The following PRKAR2B variants were observed in gnomAD, a reference collection of about 807,000 sequenced individuals.
PRKAR2B encodes the protein cAMP-dependent protein kinase type II-beta regulatory subunit.
PRKAR2B carries 14 observed loss-of-function variants against 49.9 expected under a neutral mutation model. That is an observed-to-expected ratio of 0.28 (90% confidence interval 0.19 to 0.44). PRKAR2B has a LOEUF of 0.44. Among genes scored for constraint, PRKAR2B ranks in the 20% least tolerant of loss-of-function variants. The probability of loss-of-function intolerance (pLI) is 1.00; values close to 1 mark genes in which losing one functional copy is unlikely to be tolerated. For synonymous variants in PRKAR2B, 196 were observed against 197.7 expected (o/e 0.99, Z 0.07); for missense variants, 393 against 537.9 (o/e 0.73, Z 2.67).
intron 1 of PRKAR2B, among the ~76,000 whole-genome samples, chr7:107,056,445 T>C (rs1484910600): frequency 6.6e-6 from 1 of 152,248 alleles, no homozygotes; most frequent in Non-Finnish European, 1.5e-5. Context: ...TTCCTATCCA[T>C]GAGCATGGAA....
intron 2 of PRKAR2B, among the ~76,000 whole-genome samples, chr7:107,081,174 C>T (rs916809747): frequency 6.6e-5 from 10 of 152,188 alleles, no homozygotes; most frequent in Non-Finnish European, 1.0e-4. Flanking sequence ...TTACAACTAA[C>T]TCCCCTACCC....
At chr7:107,145,896 C>T (rs1050261160) in intron 5 of PRKAR2B, among the ~76,000 whole-genome samples, 5 of 151,848 alleles carry the variant, frequency 3.3e-5, no homozygotes, top group African/African-American at 9.7e-5. Context: ...CCCGCCATCA[C>T]ACCCGGCTAA....
At chr7:107,128,005 C>T (rs948469835) in intron 3 of PRKAR2B, among the ~76,000 whole-genome samples, 6 of 152,174 alleles carry the variant, frequency 3.9e-5, no homozygotes, top group Admixed American at 1.3e-4. Context: ...CAACCTCCCC[C>T]GAACAAGGTG....
At chr7:107,138,017 T>C (rs1025737622) in intron 4 of PRKAR2B, among the ~76,000 whole-genome samples, 1 of 152,134 alleles carries the variant, frequency 6.6e-6, no homozygotes, top group Non-Finnish European at 1.5e-5. Flanking sequence ...AAATTCATCC[T>C]GTATTGTTTA....
intron 2 of PRKAR2B, among the ~76,000 whole-genome samples, chr7:107,112,209 A>G (rs958664519): frequency 1.3e-5 from 2 of 150,546 alleles, no homozygotes; most frequent in South Asian, 4.2e-4. Context: ...AAGAACCAAA[A>G]ACCAAACTAG....
chr7:107,047,711 A>G (rs1206957831), intron 1 of PRKAR2B, among the ~76,000 whole-genome samples: 1 of 152,222 alleles, frequency 6.6e-6, no homozygotes, highest in African/African-American at 2.4e-5. Context: ...GTCTTAATTT[A>G]CTATGACACA....
intron 2 of PRKAR2B, among the ~76,000 whole-genome samples, chr7:107,099,589 G>A (rs1473806036): frequency 6.6e-6 from 1 of 152,016 alleles, no homozygotes; most frequent in Non-Finnish European, 1.5e-5. Context: ...TGCTCACCCT[G>A]GGAGCTGTAG....
At chr7:107,143,346 C>A (rs1795823539) in intron 5 of PRKAR2B, among the ~76,000 whole-genome samples, 1 of 152,206 alleles carries the variant, frequency 6.6e-6, no homozygotes, top group Non-Finnish European at 1.5e-5. Context: ...TGATGGTTTA[C>A]AGTCAAAATG....
chr7:107,091,447 A>C (rs1475550457), intron 2 of PRKAR2B, among the ~76,000 whole-genome samples: 1 of 152,122 alleles, frequency 6.6e-6, no homozygotes, highest in Admixed American at 6.5e-5. Flanking sequence ...CCCTGATTCT[A>C]CTAAACCTAT....
intron 1 of PRKAR2B, among the ~76,000 whole-genome samples, chr7:107,059,377 C>T (rs552591018): frequency 4.6e-5 from 7 of 152,076 alleles, no homozygotes; most frequent in Non-Finnish European, 1.0e-4. Context: ...CTTCTCTCTC[C>T]GGAGATAACC....
At chr7:107,104,434 G>A (rs1795035375) in intron 2 of PRKAR2B, among the ~76,000 whole-genome samples, 1 of 152,178 alleles carries the variant, frequency 6.6e-6, no homozygotes, top group Non-Finnish European at 1.5e-5. Context: ...TGTCCCAAGG[G>A]TGAGAATGTA....
At chr7:107,129,131 G>T (rs1795551647) in intron 4 of PRKAR2B, 1 of 152,098 alleles carries the variant, frequency 6.6e-6, no homozygotes, top group Admixed American at 6.5e-5. Flanking sequence ...TTAAAATGAG[G>T]TCTTCTTAAA....
intron 5 of PRKAR2B, among the ~76,000 whole-genome samples, chr7:107,141,726 G>A (rs1380820094): frequency 2.0e-5 from 3 of 152,102 alleles, no homozygotes; most frequent in African/African-American, 7.2e-5. Flanking sequence ...ATAAAAATAG[G>A]AAATGCAAAT....
chr7:107,101,135 A>ATTTTTTTTTTTTTTTTTTTTTTTT (rs950761298), intron 2 of PRKAR2B, among the ~76,000 whole-genome samples: 1 of 94,688 alleles, frequency 1.1e-5, no homozygotes, highest in Non-Finnish European at 2.0e-5. Flanking sequence ...GTTGTTGCTT[A>ATTTTTTTTTTTTTTTTTTTTTTTT]TTTTTTTTTT....
intron 2 of PRKAR2B, among the ~76,000 whole-genome samples, chr7:107,110,507 T>C (rs1382315286): frequency 6.6e-6 from 1 of 151,622 alleles, no homozygotes; most frequent in African/African-American, 2.4e-5. Flanking sequence ...GAGACCCTTT[T>C]CTTCTGCTTG....
chr7:107,128,457 G>A (rs1202906587), intron 4 of PRKAR2B, among the ~76,000 whole-genome samples, 162 bp downstream of exon 4: 1 of 152,154 alleles, frequency 6.6e-6, no homozygotes, highest in African/African-American at 2.4e-5. Context: ...AGGTTGAACT[G>A]CAGGAGAGGA....
chr7:107,077,498 A>G (rs182188615), intron 2 of PRKAR2B: 7 of 152,310 alleles, frequency 4.6e-5, no homozygotes, highest in African/African-American at 1.7e-4. Context: ...GACTATAAGG[A>G]GAGAGACTAT....
intron 2 of PRKAR2B, among the ~76,000 whole-genome samples, chr7:107,102,562 TC>T (rs1396272052): frequency 6.6e-6 from 1 of 152,158 alleles, no homozygotes; most frequent in Non-Finnish European, 1.5e-5. Flanking sequence ...CCAAGAGCCC[TC>T]CCAGAGTTTC....
intron 3 of PRKAR2B, among the ~76,000 whole-genome samples, chr7:107,127,433 A>G (rs973584167): frequency 2.0e-5 from 3 of 152,240 alleles, no homozygotes; most frequent in Non-Finnish European, 4.4e-5. Context: ...GCCTCCTGCT[A>G]GTGAAAAGGG....
Sources: allele counts gnomAD v4.1 joint callset (sites outside exome capture counted in the v4.1 genomes callset), GRCh38; gene constraint gnomAD v4.1.1; transcripts MANE v1.5; gene names NCBI Gene and HGNC (gene_info 2026-07-23, HGNC 2026-07-21).